CHD2: variants seen among roughly 807,000 people sequenced by gnomAD.
CHD2 encodes ATP-dependent chromatin remodeler CHD2.
A neutral mutation model predicts 243.9 loss-of-function variants in CHD2; 28 were observed. That is an observed-to-expected ratio of 0.11 (90% CI 0.09 to 0.16). The LOEUF is 0.16. Among genes scored for constraint, CHD2 ranks in the 10% least tolerant of loss-of-function variants. CHD2 has a pLI of 1.00. For synonymous variants in CHD2, 775 were observed against 779.0 expected, an observed-to-expected ratio of 0.99 and a Z score of 0.09; for missense variants, 1,386 against 2,209.8, an observed-to-expected ratio of 0.63 and a Z score of 7.47.
intron 5 of CHD2, among the ~76,000 whole-genome samples, chr15:92,934,786 A>G (rs751585399): frequency 1.8e-4 from 28 of 152,212 alleles, no homozygotes; most frequent in Non-Finnish European, 5.9e-5. Flanking sequence ...AATCCAACCA[A>G]TTTCAAATAT....
chr15:93,019,346 T>C (rs2054502340), intron 37 of CHD2, among the ~76,000 whole-genome samples: 1 of 152,086 alleles, frequency 6.6e-6, no homozygotes, highest in Non-Finnish European at 1.5e-5. Context: ...TTGTTAAGAG[T>C]CTGCCACAGA....
chr15:93,021,199 T>G (rs987999984), intron 38 of CHD2: 1 of 152,250 alleles, frequency 6.6e-6, no homozygotes. Flanking sequence ...TTTTTGGCTT[T>G]ACAGTTTCTT....
At chr15:92,948,053 G>A (rs1271913996) in intron 12 of CHD2, among the ~76,000 whole-genome samples, 1 of 152,084 alleles carries the variant, frequency 6.6e-6, no homozygotes, top group African/African-American at 2.4e-5. Context: ...TTTTTGATCG[G>A]TTGTTTCCTA....
In CHD2 at chr15:93,019,273, C is replaced by T. The variant is rs770724568; in HGVS notation, c.4907-739C>T. Among the ~76,000 whole-genome samples the T allele has an allele frequency of 1.8e-4, 27 of 152,148 alleles. No individual in the cohort carries two copies. In the South Asian group the frequency reaches 3.5e-3, roughly 20 times the overall value. Reference sequence around the variant, plus strand: ...GTGAAATAAACGTTAGATGTGTAACCGGAGGATATTACTCGCAGCTGTGAA... The same window carrying T: ...GTGAAATAAACGTTAGATGTGTAACTGGAGGATATTACTCGCAGCTGTGAA... On this transcript the variant is annotated intron_variant, in intron 37 of 38. Coordinates refer to ENST00000394196, the MANE Select transcript of CHD2 (RefSeq NM_001271.4).
intron 35 of CHD2, among the ~76,000 whole-genome samples, chr15:93,009,538 A>G (rs2054364388): frequency 6.6e-6 from 1 of 152,230 alleles, no homozygotes; most frequent in Non-Finnish European, 1.5e-5. Context: ...GATGTCATTA[A>G]TTTATTTTAT....
intron 37 of CHD2, among the ~76,000 whole-genome samples, chr15:93,019,054 G>T (rs1451947238): frequency 6.6e-6 from 1 of 152,224 alleles, no homozygotes; most frequent in African/African-American, 2.4e-5. Context: ...GAAGGCTACA[G>T]AAGTTAAAAG....
At chr15:92,947,190 A>G (rs2053483900) in intron 12 of CHD2, 1 of 152,166 alleles carries the variant, frequency 6.6e-6, no homozygotes, top group Non-Finnish European at 1.5e-5. Flanking sequence ...TAATTGCCAA[A>G]GAGTGTGATA....
chr15:92,905,940 A>C (rs2052613534), intron 2 of CHD2, among the ~76,000 whole-genome samples: 2 of 152,226 alleles, frequency 1.3e-5, no homozygotes, highest in African/African-American at 4.8e-5. Context: ...TAGTTGTGTT[A>C]ATAGTATTTG....
chr15:92,927,402 G>A (rs1014910443), intron 4 of CHD2, 72 bp downstream of exon 4: 12 of 1,107,146 alleles, frequency 1.1e-5, no homozygotes, highest in African/African-American at 3.1e-5. Context: ...ACTCTGGTAT[G>A]TATTACCATT....
chr15:93,002,140 T>A (rs757635317), intron 32 of CHD2, 37 bp from the exon 33 acceptor site: 1 of 1,568,404 alleles, frequency 6.4e-7, no homozygotes, highest in African/African-American at 1.4e-5. Context: ...GATATAAAAT[T>A]TGTAGCAAAA....
intron 37 of CHD2, among the ~76,000 whole-genome samples, chr15:93,017,819 G>A (rs1176563827): frequency 2.0e-5 from 3 of 152,222 alleles, no homozygotes; most frequent in Non-Finnish European, 4.4e-5. Context: ...TGATTTTGCA[G>A]AATGATTGGG....
At position 92,913,844 on chromosome 15, in the gene CHD2, C is replaced by T. The variant is rs60443527; in HGVS notation, c.63-10477C>T. On this transcript the variant is annotated intron_variant, in intron 2 of 38. Coordinates refer to ENST00000394196, the MANE Select transcript of CHD2 (RefSeq NM_001271.4). ...CTCCATCCTGGGCAACTGAGCAAGA[C>T]CCTATCCAAAAAAAACAAAAACCCT... 3.9e-3 allele frequency among the ~76,000 whole-genome samples: 595 copies of T among 152,150 alleles called. 5 individuals are homozygous for T. Among genetic ancestry groups the T allele is most frequent in the African/African-American group, 0.014 (561 of 41,538 alleles).
intron 28 of CHD2, among the ~76,000 whole-genome samples, chr15:92,993,903 A>G (rs916035029): frequency 1.3e-5 from 2 of 152,078 alleles, no homozygotes; most frequent in African/African-American, 2.4e-5. Context: ...AGTTGAGATC[A>G]TGCCGCTGCA....
chr15:93,021,305 C>T (rs2054532468), intron 38 of CHD2: 1 of 151,858 alleles, frequency 6.6e-6, no homozygotes, highest in African/African-American at 2.4e-5. Flanking sequence ...CATAATGTTC[C>T]TTTTAAAAAA....
At chr15:92,987,616 GA>G (rs34625310) in intron 26 of CHD2, among the ~76,000 whole-genome samples, 100,427 of 143,720 alleles carry the variant, frequency 0.7, 35,869 homozygotes, top group East Asian at 0.99. Context: ...AAAGAAGAAG[GA>G]AAAAAAAAAA....
rs780455269 is a variant in CHD2 at position 93,002,259 on chromosome 15, C to T, written c.4220C>T (p.Ser1407Phe). The change falls in exon 33 of 39, where the codon TCT (serine) becomes TTT (phenylalanine). Residue 1407 changes from serine to phenylalanine, a missense_variant. Ser to Phe is a radical substitution (Grantham distance 155, BLOSUM62 -2). Transcript: ENST00000394196. ...NKENKEKQMS[S>F]RKDKEGDKER... ...GAGAACAAGGAGAAACAAATGAGTT[C>T]TAGGAAAGACAAAGAAGGGGACAAG... 3.8e-6 allele frequency: 6 copies of T among 1,598,388 alleles called. No homozygotes were observed. The highest frequency in any genetic ancestry group is 1.4e-5 in the African/African-American group (1 of 73,460).
intron 2 of CHD2, chr15:92,904,557 C>T (rs1476229605): frequency 7.9e-6 from 8 of 1,009,924 alleles, no homozygotes; most frequent in Non-Finnish European, 9.5e-6. Context: ...CGCGTTTGCT[C>T]CTGGCAGTCT....
At chr15:92,941,584 T>C (rs2053383360) in intron 7 of CHD2, among the ~76,000 whole-genome samples, 1 of 152,178 alleles carries the variant, frequency 6.6e-6, no homozygotes, top group Non-Finnish European at 1.5e-5. Context: ...TACAAATCAG[T>C]ATAAATATAG....
rs1381718150 is a variant in CHD2, at chr15:92,984,422, A to G, written c.3159A>G (p.Lys1053=). The change falls in exon 25 of 39, where the codon AAA becomes AAG. Residue 1053 remains lysine (K), a synonymous_variant. Coordinates refer to ENST00000394196, the MANE Select transcript of CHD2 (RefSeq NM_001271.4). ...WDEIIPEEQR[K]KVEEEERQKE... ...AGATCATTCCAGAGGAACAAAGGAA[A>G]AAAGTAGAGGAGGAAGAGCGGCAGA... The G allele has an allele frequency of 1.9e-6, 3 of 1,613,032 alleles. No homozygotes were observed. The highest frequency in any genetic ancestry group is 1.3e-5 in the African/African-American group (1 of 74,878).
Sources: allele counts gnomAD v4.1 joint callset (sites outside exome capture counted in the v4.1 genomes callset), GRCh38; gene constraint gnomAD v4.1.1; transcripts MANE v1.5; gene names NCBI Gene and HGNC (gene_info 2026-07-23, HGNC 2026-07-21).